DHRS12: variants seen among roughly 807,000 people sequenced by gnomAD.
DHRS12 encodes dehydrogenase/reductase 12.
DHRS12 carries 29 observed loss-of-function variants against 32.1 expected under a neutral mutation model. That is an observed-to-expected ratio of 0.90 (90% CI 0.67 to 1.23). The LOEUF (loss-of-function observed/expected upper bound fraction) is 1.23. Ranked by LOEUF, DHRS12 falls within the 50% of genes most tolerant of loss-of-function variation. The probability of loss-of-function intolerance (pLI) is 0.00; values close to 1 mark genes in which losing one functional copy is unlikely to be tolerated. For synonymous variants in DHRS12, 150 were observed against 135.9 expected, an observed-to-expected ratio of 1.10 and a Z score of -0.72; for missense variants, 330 against 337.2, an observed-to-expected ratio of 0.98 and a Z score of 0.17.
intron 4 of DHRS12, among the ~76,000 whole-genome samples, chr13:51,783,571 CTG>C (rs761838895): frequency 1.3e-5 from 2 of 152,098 alleles, no homozygotes; most frequent in Non-Finnish European, 2.9e-5. Context: ...ACGCATTAGA[CTG>C]TGGTGTGATT....
the DHRS12 span, among the ~76,000 whole-genome samples, chr13:51,758,714 A>C: frequency 6.6e-6 from 1 of 152,320 alleles, no homozygotes; most frequent in South Asian, 2.1e-4. Flanking sequence ...GGGACAGACT[A>C]AAAAGACTGT....
chr13:51,768,023 G>GT lies in DHRS12; in HGVS notation c.*163dup. Reference sequence around the variant, plus strand: ...GGTGAGCCTGATCACAGCCTCGGTAGTATTTATTTTGAAATAAAAGTTCCC... The same window carrying GT: ...GGTGAGCCTGATCACAGCCTCGGTAGTTATTTATTTTGAAATAAAAGTTCCC... On this transcript the variant is annotated 3_prime_UTR_variant, in exon 9 of 9. Coordinates refer to ENST00000444610, the MANE Select transcript of DHRS12 (RefSeq NM_001377533.1). 7.0e-7 allele frequency: 1 copy of GT among 1,429,342 alleles called. No individual in the cohort carries two copies. The highest frequency in any genetic ancestry group is 9.1e-7 in the Non-Finnish European group (1 of 1,096,150). The allele number at this position is 1,429,342 out of a possible 1,614,324, so 88.5% of individuals were successfully genotyped here. A position where few individuals can be genotyped will look rare whatever the true frequency, so the allele number is the denominator to read the frequency against.
At chr13:51,797,396 G>A (rs7321298) in intron 2 of DHRS12, among the ~76,000 whole-genome samples, 5,162 of 152,260 alleles carry the variant, frequency 0.034, 222 homozygotes, top group African/African-American at 0.098. Context: ...CTGAAGGCTC[G>A]TGTCAGAAAG....
Position 51,799,459 on chromosome 13 carries a change from G to A in DHRS12, c.126+75C>T. ...ACTTCCTGGCCTGCCTGTGACACAG[G>A]GTGCCCTCCTCAGTGTGGACCGGCC... On this transcript the variant is annotated intron_variant, in intron 2 of 8. Transcript: ENST00000444610. 4 of 1,574,728 alleles carry A rather than the reference G, an allele frequency of 2.5e-6. No homozygotes were observed. In the South Asian group the frequency reaches 4.7e-5, roughly 18 times the overall value.
rs115939467 is a variant in DHRS12 at position 51,771,216 on chromosome 13, G to T, written c.559+605C>A. On this transcript the variant is annotated intron_variant, in intron 7 of 8. Transcript: ENST00000444610. ...TGGCGCCGCGGGTGCACCCTGGGGT[G>T]TGTGCTGTGGCTGCTGCTGCTTTCA... The T allele has an allele frequency of 1.7e-3, 2,597 of 1,551,644 alleles. 33 individuals are homozygous for T. In the African/African-American group the frequency reaches 0.031, roughly 18 times the overall value.
rs113029924 is a variant in DHRS12 at position 51,790,167 on chromosome 13, C to A, written c.220-75G>T. ...ACCTATTTCCATCCCCACACCTCCACTACCCCACCCCCAGCTCTTTTTCAA... is the reference window on the plus strand; with the variant it reads ...ACCTATTTCCATCCCCACACCTCCAATACCCCACCCCCAGCTCTTTTTCAA... On this transcript the variant is annotated intron_variant, in intron 3 of 8. Transcript: ENST00000444610. 7.0e-3 allele frequency: 7,759 copies of A among 1,109,114 alleles called. 60 individuals are homozygous for A. Among genetic ancestry groups the A allele is most frequent in the South Asian group, 0.018 (1,149 of 65,012 alleles). 68.7% of individuals were successfully genotyped at this position (1,109,114 alleles called of 1,614,324 possible).
intron 8 of DHRS12, chr13:51,768,873 G>A (rs1953876540): frequency 1.5e-6 from 2 of 1,371,806 alleles, no homozygotes; most frequent in Non-Finnish European, 9.4e-7. Context: ...TCAGCAAACT[G>A]CAGAGAAAAT....
Position 51,768,273 on chromosome 13 carries a change from A to C in DHRS12, c.721T>G (p.Leu241Val). The change falls in exon 9 of 9, where the codon TTG becomes GTG. Residue 241 changes from leucine to valine, a missense_variant. Physicochemically the swap from Leu to Val is conservative, Grantham distance 32. Coordinates refer to ENST00000444610, the MANE Select transcript of DHRS12 (RefSeq NM_001377533.1). ...GAGGAGGACGCTGTAGCGAGAGGCAAGTGTGTAGAAACTGGCTTCCGATCT... is the reference window on the plus strand; with the variant it reads ...GAGGAGGACGCTGTAGCGAGAGGCACGTGTGTAGAAACTGGCTTCCGATCT... Reference protein sequence around the residue: ...FQDRKPVSTHLPLATASSSPA... With the variant: ...FQDRKPVSTHVPLATASSSPA... The C allele has an allele frequency of 6.5e-7, 1 of 1,536,004 alleles. No individual in the cohort carries two copies. Among genetic ancestry groups the C allele is most frequent in the Non-Finnish European group, 8.7e-7 (1 of 1,146,904 alleles).
intron 2 of DHRS12, among the ~76,000 whole-genome samples, chr13:51,792,381 T>C (rs902596156): frequency 6.6e-6 from 1 of 152,144 alleles, no homozygotes; most frequent in Non-Finnish European, 1.5e-5. Flanking sequence ...ATATATGTGT[T>C]GGCCATTTGT....
chr13:51,759,400 C>G, the DHRS12 span, among the ~76,000 whole-genome samples: 1 of 152,158 alleles, frequency 6.6e-6, no homozygotes, highest in Non-Finnish European at 1.5e-5. Context: ...TCGAATGCTG[C>G]CTCAGATGTA....
rs146705043 is a variant in DHRS12 at position 51,773,084 on chromosome 13, T to C, written c.468+846A>G. Reference sequence around the variant, plus strand: ...ACTGTAAATATGGAAGTTATATATATCCGGCTTTTAAATATAGCTGTAATA... The same window carrying C: ...ACTGTAAATATGGAAGTTATATATACCCGGCTTTTAAATATAGCTGTAATA... On this transcript the variant is annotated intron_variant, in intron 6 of 8. Transcript: ENST00000444610. 3.7e-3 allele frequency: 3,686 copies of C among 983,996 alleles called. 9 individuals carry two copies. The highest frequency in any genetic ancestry group is 9.5e-3 in the Admixed American group (154 of 16,292). 61.0% of individuals were successfully genotyped at this position (983,996 alleles called of 1,614,324 possible). A position where few individuals can be genotyped will look rare whatever the true frequency, so the allele number is the denominator to read the frequency against.
At chr13:51,798,617 T>C (rs1955613697) in intron 2 of DHRS12, among the ~76,000 whole-genome samples, 1 of 152,204 alleles carries the variant, frequency 6.6e-6, no homozygotes, top group Non-Finnish European at 1.5e-5. Context: ...TTCAGAGTGC[T>C]TCCCAGCTGC....
chr13:51,762,431 A>G, the DHRS12 span: 9 of 152,298 alleles, frequency 5.9e-5, no homozygotes, highest in African/African-American at 1.4e-4. Context: ...AGAAAACCAG[A>G]TATGTCAAGG....
Position 51,777,275 on chromosome 13 carries a change from C to G in DHRS12, c.302-154G>C, listed in dbSNP as rs954804751. On this transcript the variant is annotated intron_variant, in intron 4 of 8. Transcript: ENST00000444610. ...GCAGTCCCTCCTTCCGAGGATCCTT[C>G]AAGCCAAATGTTCCTTTTCCCAGGA... 5.2e-5 allele frequency: 37 copies of G among 709,576 alleles called. 1 individual carries two copies. The highest frequency in any genetic ancestry group is 8.7e-5 in the Non-Finnish European group (36 of 415,254). The allele number at this position is 709,576 out of a possible 1,614,324, so 44.0% of individuals were successfully genotyped here.
chr13:51,780,942 C>T (rs186683693), intron 4 of DHRS12, among the ~76,000 whole-genome samples: 12 of 152,268 alleles, frequency 7.9e-5, no homozygotes, highest in Admixed American at 5.9e-4. Flanking sequence ...TCAAAGCCAC[C>T]TTGAATTAAA....
intron 5 of DHRS12, chr13:51,774,289 C>T: frequency 6.9e-6 from 1 of 145,898 alleles, no homozygotes; most frequent in African/African-American, 2.6e-5. Flanking sequence ...ACAGTATTCT[C>T]CTACATGTAT....
intron 4 of DHRS12, among the ~76,000 whole-genome samples, chr13:51,789,140 T>C (rs1955140760): frequency 6.6e-6 from 1 of 152,194 alleles, no homozygotes; most frequent in Admixed American, 6.5e-5. Flanking sequence ...TGGTTGGGAA[T>C]AGGGTTGCTA....
In DHRS12 at chr13:51,797,911, G is replaced by T. The variant is rs1333425903; in HGVS notation, c.126+1623C>A. ...ACAAACCAGGTGAACTGTGCCACCT[G>T]GTGGAATTCAATGAAACCATCTGTG... On this transcript the variant is annotated intron_variant, in intron 2 of 8. Transcript: ENST00000444610. 2.0e-6 allele frequency: 3 copies of T among 1,535,738 alleles called. No individual in the cohort carries two copies. The Admixed American group carries it at 5.9e-5, about 30-fold the overall frequency.
downstream of DHRS12, chr13:51,767,969 TAAGAA>T: frequency 1.5e-6 from 2 of 1,355,906 alleles, no homozygotes; most frequent in Non-Finnish European, 9.5e-7. Flanking sequence ...AGACTTAAAA[TAAGAA>T]AAGAACCTGC....
Sources: allele counts gnomAD v4.1 joint callset (sites outside exome capture counted in the v4.1 genomes callset), GRCh38; gene constraint gnomAD v4.1.1; transcripts MANE v1.5; gene names NCBI Gene and HGNC (gene_info 2026-07-23, HGNC 2026-07-21).